Variants in CHN2 observed in about 807,000 individuals in gnomAD.
CHN2 encodes the protein beta-chimaerin.
CHN2 carries 35 observed loss-of-function variants against 56.3 expected under a neutral mutation model. That is an observed-to-expected ratio of 0.62 (90% CI 0.47 to 0.82). The LOEUF (loss-of-function observed/expected upper bound fraction) is 0.82. Ranked by LOEUF, CHN2 falls within the 40% of genes least tolerant of loss-of-function variation. The probability of loss-of-function intolerance (pLI) is 0.00; values close to 1 mark genes in which losing one functional copy is unlikely to be tolerated. For synonymous variants in CHN2, 210 were observed against 212.8 expected, an observed-to-expected ratio of 0.99 and a Z score of 0.12; for missense variants, 491 against 580.5, an observed-to-expected ratio of 0.85 and a Z score of 1.58.
chr7:29,426,513 A>G lies in CHN2; in HGVS notation c.576+25685A>G, dbSNP rs544618112. 6.5e-4 allele frequency among the ~76,000 whole-genome samples: 99 copies of G among 152,314 alleles called. 2 individuals carry two copies. The South Asian group carries it at 0.011, about 17-fold the overall frequency. Reference sequence around the variant, plus strand: ...CAACTGCCCCTAGATTCCTTCCATGACCTTTAACCCTAGCAAAGTCATTCT... The same window carrying G: ...CAACTGCCCCTAGATTCCTTCCATGGCCTTTAACCCTAGCAAAGTCATTCT... On this transcript the variant is annotated intron_variant, in intron 6 of 12. Coordinates refer to ENST00000222792, the MANE Select transcript of CHN2 (RefSeq NM_004067.4).
intron 1 of CHN2, among the ~76,000 whole-genome samples, chr7:29,297,857 AAAG>A (rs1490183576): frequency 2.0e-5 from 3 of 152,172 alleles, no homozygotes; most frequent in Admixed American, 6.5e-5. Flanking sequence ...AGAGAGGAAA[AAAG>A]AAGGCGTTTT....
chr7:29,441,663 A>G (rs1254031344), intron 6 of CHN2, among the ~76,000 whole-genome samples: 1 of 152,246 alleles, frequency 6.6e-6, no homozygotes, highest in Non-Finnish European at 1.5e-5. Flanking sequence ...CAAATGGCCA[A>G]TAAGCACATG....
At chr7:29,249,090 A>C (rs987740061) in intron 1 of CHN2, among the ~76,000 whole-genome samples, 15 of 152,184 alleles carry the variant, frequency 9.9e-5, no homozygotes, top group African/African-American at 3.4e-4. Context: ...GAGACAGGAG[A>C]GGTGATTTAT....
At chr7:29,429,176 G>C (rs1207948069) in intron 6 of CHN2, among the ~76,000 whole-genome samples, 1 of 152,152 alleles carries the variant, frequency 6.6e-6, no homozygotes, top group East Asian at 1.9e-4. Context: ...TTCTCCAAGA[G>C]CAATAACATT....
At chr7:29,293,761 C>G (rs987230348) in intron 1 of CHN2, among the ~76,000 whole-genome samples, 2 of 152,128 alleles carry the variant, frequency 1.3e-5, no homozygotes, top group Non-Finnish European at 2.9e-5. Context: ...ACACTGTTTC[C>G]CCCTAGCACA....
chr7:29,332,520 T>C (rs1287916131), intron 1 of CHN2, among the ~76,000 whole-genome samples: 1 of 152,122 alleles, frequency 6.6e-6, no homozygotes, highest in Non-Finnish European at 1.5e-5. Context: ...CGGCCTAAAA[T>C]GCTCTCTCGC....
intron 3 of CHN2, among the ~76,000 whole-genome samples, chr7:29,389,676 G>A (rs1422494661): frequency 6.6e-6 from 1 of 152,180 alleles, no homozygotes; most frequent in Non-Finnish European, 1.5e-5. Flanking sequence ...AGGGATATAA[G>A]TGGCATGTAT....
chr7:29,340,130 C>T (rs1284348751), intron 1 of CHN2, among the ~76,000 whole-genome samples: 1 of 151,892 alleles, frequency 6.6e-6, no homozygotes, highest in Non-Finnish European at 1.5e-5. Context: ...ATTTGAAGCT[C>T]AAATATACAT....
At chr7:29,195,130 C>G in intron 1 of CHN2, 140 bp downstream of exon 1, 1 of 851,052 alleles carries the variant, frequency 1.2e-6, no homozygotes. Flanking sequence ...CGGGGTGATA[C>G]TTGTTTGGTT....
chr7:29,396,064 T>C (rs191289327), intron 4 of CHN2, among the ~76,000 whole-genome samples: 26 of 152,196 alleles, frequency 1.7e-4, no homozygotes, highest in Non-Finnish European at 3.7e-4. Context: ...TCCATAAATA[T>C]GTACAATAAT....
intron 1 of CHN2, among the ~76,000 whole-genome samples, chr7:29,289,733 G>A (rs1249667882): frequency 1.3e-5 from 2 of 152,098 alleles, no homozygotes; most frequent in East Asian, 1.9e-4. Context: ...AAGTCAATAG[G>A]GTGTTGACTT....
At chr7:29,320,011 G>T (rs1416676685) in intron 1 of CHN2, among the ~76,000 whole-genome samples, 2 of 152,174 alleles carry the variant, frequency 1.3e-5, no homozygotes, top group Non-Finnish European at 2.9e-5. Flanking sequence ...TAGGTTGCTG[G>T]TCATCAATAT....
chr7:29,480,642 AAC>A (rs1358209806), intron 7 of CHN2, among the ~76,000 whole-genome samples: 1 of 152,216 alleles, frequency 6.6e-6, no homozygotes, highest in African/African-American at 2.4e-5. Flanking sequence ...CAGTGAAATA[AAC>A]ACAGAGCATG....
At chr7:29,375,273 A>G (rs1462105696) in intron 3 of CHN2, among the ~76,000 whole-genome samples, 1 of 125,600 alleles carries the variant, frequency 8.0e-6, no homozygotes, top group East Asian at 2.3e-4. Context: ...ATCTTGGCTC[A>G]CTGCAACCTC....
chr7:29,326,579 T>G (rs1369553829), intron 1 of CHN2, among the ~76,000 whole-genome samples: 1 of 152,242 alleles, frequency 6.6e-6, no homozygotes, highest in African/African-American at 2.4e-5. Flanking sequence ...ACTTACCTAT[T>G]GGTCTTCTGC....
chr7:29,189,519 A>G (rs1799137075), intron 2 of CHN2, among the ~76,000 whole-genome samples: 1 of 152,146 alleles, frequency 6.6e-6, no homozygotes, highest in Non-Finnish European at 1.5e-5. Context: ...AGTTTATCCT[A>G]GATTTCTCTT....
chr7:29,463,034 G>A (rs1785283838), intron 6 of CHN2, among the ~76,000 whole-genome samples: 2 of 150,812 alleles, frequency 1.3e-5, no homozygotes, highest in African/African-American at 2.4e-5. Flanking sequence ...CAGCCATTTA[G>A]AAAACCCCGC....
intron 2 of CHN2, among the ~76,000 whole-genome samples, chr7:29,173,008 G>T (rs1286178332): frequency 1.3e-5 from 2 of 151,840 alleles, no homozygotes. Flanking sequence ...GTGGGTGCCT[G>T]TAATCCCAGC....
chr7:29,345,819 C>G (rs2128917868), intron 1 of CHN2, among the ~76,000 whole-genome samples: 1 of 152,228 alleles, frequency 6.6e-6, no homozygotes, highest in South Asian at 2.1e-4. Flanking sequence ...TGACCACAGG[C>G]TCCAGCCCAA....
Sources: allele counts gnomAD v4.1 joint callset (sites outside exome capture counted in the v4.1 genomes callset), GRCh38; gene constraint gnomAD v4.1.1; transcripts MANE v1.5; gene names NCBI Gene and HGNC (gene_info 2026-07-23, HGNC 2026-07-21).